The following TAF4B variants were observed in gnomAD, a reference collection of about 807,000 sequenced individuals.
The protein encoded by TAF4B is TATA-box binding protein associated factor 4b, also known as transcription initiation factor TFIID subunit 4B.
TAF4B carries 38 observed loss-of-function variants against 86.4 expected under a neutral mutation model. The ratio of observed to expected loss-of-function variants is 0.44; its 90% CI spans 0.34 to 0.58. TAF4B has a LOEUF of 0.58. TAF4B is among the 20% of genes least tolerant of loss of function. TAF4B has a pLI of 0.02. For synonymous variants in TAF4B, 388 were observed against 391.2 expected, an observed-to-expected ratio of 0.99 and a Z score of 0.10; for missense variants, 988 against 1,027.6, an observed-to-expected ratio of 0.96 and a Z score of 0.53.
At chr18:26,379,721 A>C (rs1202732664) in intron 14 of TAF4B, among the ~76,000 whole-genome samples, 1 of 152,050 alleles carries the variant, frequency 6.6e-6, no homozygotes, top group Non-Finnish European at 1.5e-5. Context: ...TCATTCTTAC[A>C]AAAATGTCTA....
At chr18:26,327,270 A>G in intron 12 of TAF4B, 130 bp downstream of exon 12, 1 of 1,129,034 alleles carries the variant, frequency 8.9e-7, no homozygotes, top group Non-Finnish European at 1.2e-6. Context: ...AAACGAAATT[A>G]CTAATAGGAT....
At chr18:26,326,736 A>AG (rs778668369) in intron 11 of TAF4B, among the ~76,000 whole-genome samples, 27 of 152,260 alleles carry the variant, frequency 1.8e-4, no homozygotes, top group Middle Eastern at 3.4e-3. Flanking sequence ...TGCTTGGCTT[A>AG]ATTCCTCCCC....
At chr18:26,352,009 G>A (rs1791746) in intron 13 of TAF4B, among the ~76,000 whole-genome samples, 1 of 151,746 alleles carries the variant, frequency 6.6e-6, no homozygotes, top group African/African-American at 2.4e-5. Context: ...CCCTAGAGCC[G>A]TCACTAAAAA....
In TAF4B at chr18:26,245,898, T is replaced by C. The variant is rs1030823724; in HGVS notation, c.343+18622T>C. On this transcript the variant is annotated intron_variant, in intron 1 of 14. Coordinates refer to ENST00000269142, the MANE Select transcript of TAF4B (RefSeq NM_005640.3). ...CCACTTGCCTATTCGCAGGCGTTGA[T>C]ACTGTTTGCACTACTTTCTGCTGTT... Among the ~76,000 whole-genome samples the C allele has an allele frequency of 2.0e-5, 3 of 152,358 alleles. No individual in the cohort carries two copies. In the East Asian group the frequency reaches 5.8e-4, roughly 29 times the overall value.
At chr18:26,302,486 A>G (rs1226120203) in intron 9 of TAF4B, among the ~76,000 whole-genome samples, 1 of 146,156 alleles carries the variant, frequency 6.8e-6, no homozygotes, top group Non-Finnish European at 1.5e-5. Context: ...ACAAGCCTCC[A>G]GAGTAGCTAA....
chr18:26,325,071 C>T (rs2056993305), intron 11 of TAF4B, among the ~76,000 whole-genome samples: 1 of 152,180 alleles, frequency 6.6e-6, no homozygotes, highest in South Asian at 2.1e-4. Context: ...TAATCTTTCA[C>T]CTGGTTTGAT....
intron 12 of TAF4B, among the ~76,000 whole-genome samples, chr18:26,333,551 G>T (rs1259634553): frequency 1.3e-5 from 2 of 152,030 alleles, no homozygotes; most frequent in Non-Finnish European, 2.9e-5. Context: ...CACTATGCCT[G>T]GCTAATTTTT....
At chr18:26,381,675 C>T (rs992527179) in intron 14 of TAF4B, among the ~76,000 whole-genome samples, 2 of 151,648 alleles carry the variant, frequency 1.3e-5, no homozygotes, top group African/African-American at 2.4e-5. Flanking sequence ...TGCGGTGAGC[C>T]GAGATTGCGC....
At chr18:26,310,347 T>G (rs1395854109) in intron 9 of TAF4B, among the ~76,000 whole-genome samples, 1 of 152,230 alleles carries the variant, frequency 6.6e-6, no homozygotes, top group Non-Finnish European at 1.5e-5. Context: ...CATTGAGACC[T>G]GCATTTTAAA....
intron 14 of TAF4B, among the ~76,000 whole-genome samples, chr18:26,361,134 A>T (rs980112719): frequency 6.6e-6 from 1 of 151,856 alleles, no homozygotes; most frequent in East Asian, 1.9e-4. Flanking sequence ...AAACACATTC[A>T]CGTTGTTGAA....
At chr18:26,273,564 G>A (rs540154045) in intron 3 of TAF4B, among the ~76,000 whole-genome samples, 2 of 152,198 alleles carry the variant, frequency 1.3e-5, no homozygotes, top group Admixed American at 1.3e-4. Context: ...TGTTTGTAAA[G>A]AAAATTTTTT....
intron 1 of TAF4B, among the ~76,000 whole-genome samples, chr18:26,227,928 A>G (rs2055603439): frequency 6.6e-6 from 1 of 152,230 alleles, no homozygotes; most frequent in South Asian, 2.1e-4. Context: ...TTCCTGCACA[A>G]TCTTTAAATG....
intron 7 of TAF4B, among the ~76,000 whole-genome samples, chr18:26,290,315 CT>C (rs35349281): frequency 1.3e-5 from 2 of 152,016 alleles, no homozygotes; most frequent in Non-Finnish European, 2.9e-5. Flanking sequence ...AATTAAAAAA[CT>C]TTTTATTTTG....
At chr18:26,272,270 C>T (rs2056329526) in intron 3 of TAF4B, among the ~76,000 whole-genome samples, 1 of 152,170 alleles carries the variant, frequency 6.6e-6, no homozygotes, top group Admixed American at 6.5e-5. Flanking sequence ...GTGCAGTTCA[C>T]GAGAAGGTTC....
At chr18:26,303,879 A>G (rs545362186) in intron 9 of TAF4B, among the ~76,000 whole-genome samples, 28 of 152,248 alleles carry the variant, frequency 1.8e-4, no homozygotes, top group African/African-American at 6.5e-4. Context: ...TTATATCTCC[A>G]TTATATATAC....
chr18:26,257,842 C>CGTGTGTGTGTGTGTGTGTGT (rs57275139), intron 1 of TAF4B, among the ~76,000 whole-genome samples: 2 of 141,434 alleles, frequency 1.4e-5, no homozygotes, highest in Admixed American at 1.4e-4. Context: ...CCTCTGCGTG[C>CGTGTGTGTGTGTGTGTGTGT]GTGTGTGTGT....
At chr18:26,334,266 G>A (rs191654277) in intron 12 of TAF4B, among the ~76,000 whole-genome samples, 2 of 152,114 alleles carry the variant, frequency 1.3e-5, no homozygotes, top group Non-Finnish European at 1.5e-5. Flanking sequence ...TTAACCAAAG[G>A]TTCTGGTAAA....
At chr18:26,262,254 C>T (rs1244952077) in intron 1 of TAF4B, among the ~76,000 whole-genome samples, 3 of 151,646 alleles carry the variant, frequency 2.0e-5, no homozygotes, top group African/African-American at 4.8e-5. Context: ...TTCCTCCTCC[C>T]GGGAAGATAC....
At chr18:26,323,575 T>G (rs1256385596) in intron 11 of TAF4B, among the ~76,000 whole-genome samples, 3 of 151,492 alleles carry the variant, frequency 2.0e-5, no homozygotes, top group Non-Finnish European at 2.9e-5. Flanking sequence ...TTGCCCATGC[T>G]GTGGAATTGT....
Sources: gnomAD v4.1 joint callset for allele counts (sites outside exome capture counted in the v4.1 genomes callset) on GRCh38, gnomAD v4.1.1 for gene constraint, MANE v1.5 for transcripts, NCBI Gene and HGNC (gene_info 2026-07-23, HGNC 2026-07-21) for gene names.